The following ESRRG variants were observed in gnomAD, a reference collection of about 807,000 sequenced individuals.
ESRRG encodes estrogen-related receptor gamma.
ESRRG carries 13 observed loss-of-function variants against 44.0 expected under a neutral mutation model. That is an observed-to-expected ratio of 0.30 (90% confidence interval 0.19 to 0.47). The LOEUF is 0.47. ESRRG is among the 20% of genes least tolerant of loss of function. The pLI, the probability that ESRRG is intolerant of heterozygous loss-of-function variation, is 1.00. For missense variants in ESRRG, 395 were observed against 580.6 expected, an observed-to-expected ratio of 0.68 and a Z score of 3.29; for synonymous variants, 215 against 214.6, an observed-to-expected ratio of 1.00 and a Z score of -0.02.
chr1:217,072,572 T>A (rs1041274145), intron 1 of ESRRG, among the ~76,000 whole-genome samples: 2 of 152,230 alleles, frequency 1.3e-5, no homozygotes, highest in East Asian at 3.8e-4. Flanking sequence ...GAACCACTGC[T>A]CAGAATGGCT....
chr1:216,953,449 A>AT (rs536863444), intron 1 of ESRRG, among the ~76,000 whole-genome samples: 57 of 151,768 alleles, frequency 3.8e-4, no homozygotes, highest in Non-Finnish European at 6.3e-4. Context: ...TCCCATCATT[A>AT]TTTTTTTTCA....
chr1:216,623,289 G>T (rs1225255544), intron 3 of ESRRG, among the ~76,000 whole-genome samples: 1 of 151,886 alleles, frequency 6.6e-6, no homozygotes, highest in Non-Finnish European at 1.5e-5. Flanking sequence ...CACCATGTTA[G>T]CCAGGATGGT....
At chr1:216,691,327 T>C (rs1365490962) in intron 1 of ESRRG, among the ~76,000 whole-genome samples, 1 of 152,156 alleles carries the variant, frequency 6.6e-6, no homozygotes, top group Non-Finnish European at 1.5e-5. Flanking sequence ...ATACCACATA[T>C]GAAACCTGAC....
At chr1:216,829,378 A>T (rs1376612240) in intron 2 of ESRRG, among the ~76,000 whole-genome samples, 3 of 152,082 alleles carry the variant, frequency 2.0e-5, no homozygotes, top group African/African-American at 7.2e-5. Flanking sequence ...ATTCTTTCAG[A>T]GGTGTCTCCA....
intron 1 of ESRRG, among the ~76,000 whole-genome samples, chr1:216,710,583 T>A (rs1246936607): frequency 1.3e-5 from 2 of 152,130 alleles, no homozygotes; most frequent in East Asian, 3.9e-4. Context: ...TACATGTGAG[T>A]CACTACTTTG....
chr1:217,126,026 G>A (rs757961297), intron 1 of ESRRG, among the ~76,000 whole-genome samples: 34 of 152,094 alleles, frequency 2.2e-4, no homozygotes, highest in Non-Finnish European at 1.8e-4. Flanking sequence ...GGTTTTGGAT[G>A]GAATGCACTC....
chr1:216,829,191 C>T (rs1021375043), intron 2 of ESRRG, among the ~76,000 whole-genome samples: 1 of 152,140 alleles, frequency 6.6e-6, no homozygotes, highest in Admixed American at 6.5e-5. Context: ...TTCTCCAGTA[C>T]TATAACTGTT....
intron 1 of ESRRG, among the ~76,000 whole-genome samples, chr1:216,960,249 T>C (rs776792196): frequency 3.3e-5 from 5 of 152,142 alleles, no homozygotes; most frequent in Non-Finnish European, 5.9e-5. Context: ...ATATCATATA[T>C]GTAGGTTATG....
At chr1:216,734,704 C>T (rs955037636) in intron 2 of ESRRG, among the ~76,000 whole-genome samples, 1 of 152,052 alleles carries the variant, frequency 6.6e-6, no homozygotes, top group African/African-American at 2.4e-5. Context: ...AATAGACTAA[C>T]GTACTCATAC....
Position 216,568,041 on chromosome 1 carries a change from G to T in ESRRG, c.647C>A (p.Ala216Glu), listed in dbSNP as rs370360195. 2.8e-5 allele frequency: 45 copies of T among 1,613,816 alleles called. No homozygotes were observed. Among genetic ancestry groups the T allele is most frequent in the Non-Finnish European group, 3.8e-5 (45 of 1,179,788 alleles). ...AGGGTTCAGGTATGGGCTGTTCTCCGCATCTATCCTGCGCTTGTACTTCTG... is the reference window on the plus strand; with the variant it reads ...AGGGTTCAGGTATGGGCTGTTCTCCTCATCTATCCTGCGCTTGTACTTCTG... ...GRQKYKRRID[A>E]ENSPYLNPQL... The change falls in exon 4 of 7, where the codon GCG becomes GAG. Residue 216 changes from alanine to glutamate, a missense_variant. Transcript: ENST00000408911.
chr1:216,820,944 T>G (rs1395919040), intron 2 of ESRRG, among the ~76,000 whole-genome samples: 2 of 152,232 alleles, frequency 1.3e-5, no homozygotes, highest in Non-Finnish European at 2.9e-5. Context: ...TTGCTTTCCC[T>G]GCCTTTGTGG....
intron 1 of ESRRG, among the ~76,000 whole-genome samples, chr1:217,039,945 G>A (rs2083545626): frequency 6.6e-6 from 1 of 152,066 alleles, no homozygotes; most frequent in Non-Finnish European, 1.5e-5. Context: ...AAGGTTTGTA[G>A]GTTAGGCTCC....
chr1:216,535,459 G>T (rs1447977901), intron 5 of ESRRG, among the ~76,000 whole-genome samples: 4 of 152,040 alleles, frequency 2.6e-5, no homozygotes, highest in Admixed American at 2.6e-4. Flanking sequence ...CTGCAAACAT[G>T]ATCTCACCTC....
intron 2 of ESRRG, among the ~76,000 whole-genome samples, chr1:216,836,109 AAAG>A (rs2148813793): frequency 6.6e-6 from 1 of 151,712 alleles, no homozygotes; most frequent in Non-Finnish European, 1.5e-5. Flanking sequence ...AAAAAAAAAA[AAAG>A]AAAGAAATCC....
At chr1:216,711,221 T>C (rs2083528432) in intron 1 of ESRRG, among the ~76,000 whole-genome samples, 1 of 152,048 alleles carries the variant, frequency 6.6e-6, no homozygotes. Context: ...GAGCTGCACA[T>C]CTGGGGGTCA....
intron 2 of ESRRG, among the ~76,000 whole-genome samples, chr1:216,731,482 AT>A (rs1373952383): frequency 6.6e-6 from 1 of 152,192 alleles, no homozygotes; most frequent in Non-Finnish European, 1.5e-5. Flanking sequence ...TTGCTTGATG[AT>A]TTCATTGCAA....
chr1:216,969,369 A>G (rs916547949), intron 1 of ESRRG, among the ~76,000 whole-genome samples: 1 of 152,164 alleles, frequency 6.6e-6, no homozygotes, highest in African/African-American at 2.4e-5. Flanking sequence ...TATGGTGTTC[A>G]AGGAACTTAT....
chr1:216,808,652 G>A (rs1171738707), intron 2 of ESRRG, among the ~76,000 whole-genome samples: 1 of 151,976 alleles, frequency 6.6e-6, no homozygotes, highest in Admixed American at 6.6e-5. Flanking sequence ...TTGAACTCCT[G>A]GGCTCAAGCT....
intron 3 of ESRRG, among the ~76,000 whole-genome samples, chr1:216,628,769 C>T (rs972544687): frequency 2.0e-5 from 3 of 152,092 alleles, no homozygotes; most frequent in African/African-American, 7.2e-5. Context: ...ACCTTCAAAA[C>T]TTCTCATTAA....
Sources: gnomAD v4.1 joint callset for allele counts (sites outside exome capture counted in the v4.1 genomes callset) on GRCh38, gnomAD v4.1.1 for gene constraint, MANE v1.5 for transcripts, NCBI Gene and HGNC (gene_info 2026-07-23, HGNC 2026-07-21) for gene names.